SDK1: variants seen among roughly 807,000 people sequenced by gnomAD.
The protein encoded by SDK1 is sidekick cell adhesion molecule 1.
A neutral mutation model predicts 245.5 loss-of-function variants in SDK1; 157 were observed. The observed-to-expected ratio is 0.64, with a 90% CI of 0.56 to 0.73. The LOEUF is 0.73. Ranked by LOEUF, SDK1 falls within the 30% of genes least tolerant of loss-of-function variation. The pLI is 0.00. For synonymous variants in SDK1, 1,647 were observed against 1,278.5 expected (o/e 1.29, Z -6.15); for missense variants, 3,583 against 3,002.3 (o/e 1.19, Z -4.52).
At chr7:3,472,870 ACAGT>A (rs1781227895) in intron 1 of SDK1, among the ~76,000 whole-genome samples, 2 of 152,282 alleles carry the variant, frequency 1.3e-5, no homozygotes, top group African/African-American at 4.8e-5. Flanking sequence ...ACATGGGGTA[ACAGT>A]CAGGGGCTTC....
At position 3,568,259 on chromosome 7, in the gene SDK1, A is replaced by T. The variant is rs571646309; in HGVS notation, c.299-50821A>T. ...GCATTTAATAAATGCATAACTTCAT[A>T]TGCATTTAATTGTAGTCAGCTACTT... On this transcript the variant is annotated intron_variant, in intron 1 of 44. Coordinates refer to ENST00000404826, the MANE Select transcript of SDK1 (RefSeq NM_152744.4). Among the ~76,000 whole-genome samples the T allele has an allele frequency of 6.6e-5, 10 of 152,306 alleles. No individual in the cohort carries two copies. The South Asian group carries it at 2.1e-3, about 32-fold the overall frequency.
intron 4 of SDK1, among the ~76,000 whole-genome samples, chr7:3,681,560 T>C (rs957491753): frequency 5.9e-5 from 9 of 152,344 alleles, no homozygotes; most frequent in African/African-American, 2.2e-4. Context: ...TAACTGTCCA[T>C]TTCTTTCAAT....
chr7:3,594,100 A>G (rs1300946543), intron 1 of SDK1, among the ~76,000 whole-genome samples: 6 of 152,214 alleles, frequency 3.9e-5, no homozygotes, highest in African/African-American at 4.8e-5. Context: ...GTCACTCTCT[A>G]TCTCCTCCTG....
At chr7:3,582,522 C>T (rs1350203172) in intron 1 of SDK1, among the ~76,000 whole-genome samples, 2 of 151,778 alleles carry the variant, frequency 1.3e-5, no homozygotes, top group Non-Finnish European at 2.9e-5. Context: ...GCCCCAGTGT[C>T]TGCTGTGGAG....
chr7:4,102,874 C>T (rs1344102661), intron 22 of SDK1, among the ~76,000 whole-genome samples: 2 of 150,616 alleles, frequency 1.3e-5, no homozygotes, highest in African/African-American at 2.4e-5. Context: ...CCGCCCCTAC[C>T]GGGTGGCATT....
At chr7:3,418,272 G>A (rs1487381233) in intron 1 of SDK1, among the ~76,000 whole-genome samples, 1 of 152,108 alleles carries the variant, frequency 6.6e-6, no homozygotes, top group East Asian at 1.9e-4. Context: ...AGCCGAGATT[G>A]CGCCATTGCA....
At chr7:3,745,133 G>A (rs192749217) in intron 4 of SDK1, among the ~76,000 whole-genome samples, 14 of 152,244 alleles carry the variant, frequency 9.2e-5, no homozygotes, top group East Asian at 7.7e-4. Flanking sequence ...TTTGAACCCC[G>A]TGCATGAATT....
chr7:4,067,047 C>G (rs901485242), intron 19 of SDK1, among the ~76,000 whole-genome samples: 1 of 152,134 alleles, frequency 6.6e-6, no homozygotes, highest in Non-Finnish European at 1.5e-5. Flanking sequence ...TCATGGTGCC[C>G]GGGACATCCT....
At chr7:3,882,329 C>T (rs374931772) in intron 5 of SDK1, among the ~76,000 whole-genome samples, 4 of 152,158 alleles carry the variant, frequency 2.6e-5, no homozygotes, top group Admixed American at 2.6e-4. Flanking sequence ...GCCTTTCACT[C>T]CTGAGAATGC....
chr7:3,717,766 T>C (rs1456960771), intron 4 of SDK1, among the ~76,000 whole-genome samples: 2 of 152,164 alleles, frequency 1.3e-5, no homozygotes, highest in East Asian at 3.9e-4. Context: ...AGAAACTTAA[T>C]TTGCAGTTAA....
At chr7:3,996,240 CATTGATTCATT>C (rs1784690449) in intron 14 of SDK1, among the ~76,000 whole-genome samples, 1 of 152,040 alleles carries the variant, frequency 6.6e-6, no homozygotes, top group Non-Finnish European at 1.5e-5. Flanking sequence ...TATTTAGTTC[CATTGATTCATT>C]ATCTCTTTTT....
intron 4 of SDK1, among the ~76,000 whole-genome samples, chr7:3,778,144 G>A (rs931091197): frequency 7.2e-5 from 11 of 152,154 alleles, no homozygotes; most frequent in African/African-American, 2.4e-4. Context: ...CCATCTTGTA[G>A]CAACCAGTAG....
intron 1 of SDK1, among the ~76,000 whole-genome samples, chr7:3,495,256 T>C (rs953204768): frequency 5.7e-5 from 8 of 141,472 alleles, no homozygotes; most frequent in Non-Finnish European, 9.2e-5. Flanking sequence ...ATGGTTCTTT[T>C]TTTTTTTTTT....
intron 1 of SDK1, among the ~76,000 whole-genome samples, chr7:3,426,044 C>T (rs1264126893): frequency 6.6e-6 from 1 of 152,320 alleles, no homozygotes; most frequent in Non-Finnish European, 1.5e-5. Flanking sequence ...TTTTATTTGT[C>T]TTCTCAGATA....
At chr7:4,007,130 G>GTA (rs1785543039) in intron 14 of SDK1, among the ~76,000 whole-genome samples, 1 of 152,240 alleles carries the variant, frequency 6.6e-6, no homozygotes, top group Non-Finnish European at 1.5e-5. Flanking sequence ...ACTGAGTCCA[G>GTA]TATCAGTCAA....
At chr7:3,973,049 C>T (rs1268700143) in intron 12 of SDK1, among the ~76,000 whole-genome samples, 1 of 152,100 alleles carries the variant, frequency 6.6e-6, no homozygotes, top group African/African-American at 2.4e-5. Context: ...CCCTCGGATC[C>T]CTGTGGTTTC....
Position 4,206,006 on chromosome 7 carries a change from C to T in SDK1, c.5214+12C>T. 3 of 1,505,982 alleles carry T rather than the reference C, an allele frequency of 2.0e-6. No homozygotes were observed. The highest frequency in any genetic ancestry group is 2.7e-6 in the Non-Finnish European group (3 of 1,118,000). The allele number at this position is 1,505,982 out of a possible 1,614,324, so 93.3% of individuals were successfully genotyped here. A position where few individuals can be genotyped will look rare whatever the true frequency, so the allele number is the denominator to read the frequency against. Reference sequence around the variant, plus strand: ...TCCAAGGCTACAAGGCAAGGCCCTCCCGTGCGGTTGCCTCCCCTGGCTCGC... The same window carrying T: ...TCCAAGGCTACAAGGCAAGGCCCTCTCGTGCGGTTGCCTCCCCTGGCTCGC... On this transcript the variant is annotated intron_variant, in intron 36 of 44. Transcript: ENST00000404826.
At position 3,821,443 on chromosome 7, in the gene SDK1, G is replaced by C; in HGVS notation, c.714-7G>C. 1 of 1,611,716 alleles carries C rather than the reference G, an allele frequency of 6.2e-7. No individual in the cohort carries two copies. Among genetic ancestry groups the C allele is most frequent in the Non-Finnish European group, 8.5e-7 (1 of 1,179,176 alleles). ...CTTTGACACTGTCCTCTTCTTTTCT[G>C]AAACAGAGCCATCACATTGGAGAAT... On this transcript the variant is annotated splice_region_variant and splice_polypyrimidine_tract_variant and intron_variant, in intron 4 of 44. Transcript: ENST00000404826.
At chr7:4,173,745 G>C (rs1031674126) in intron 32 of SDK1, among the ~76,000 whole-genome samples, 3 of 152,192 alleles carry the variant, frequency 2.0e-5, no homozygotes, top group Non-Finnish European at 4.4e-5. Flanking sequence ...CAGTGGGGTG[G>C]CCTGGCATGG....
Sources: allele counts gnomAD v4.1 joint callset (sites outside exome capture counted in the v4.1 genomes callset), GRCh38; gene constraint gnomAD v4.1.1; transcripts MANE v1.5; gene names NCBI Gene and HGNC (gene_info 2026-07-23, HGNC 2026-07-21).